The following DNM3 variants were observed in gnomAD, a reference collection of about 807,000 sequenced individuals.
DNM3 encodes dynamin-3.
A neutral mutation model predicts 101.6 loss-of-function variants in DNM3; 47 were observed. The observed-to-expected ratio is 0.46, with a 90% CI of 0.37 to 0.59. The LOEUF (loss-of-function observed/expected upper bound fraction) is 0.59, where lower values mean the gene tolerates loss of function less well. DNM3 is among the 20% of genes least tolerant of loss of function. DNM3 has a pLI of 0.00. For missense variants in DNM3, 849 were observed against 1,085.7 expected (o/e 0.78, Z 3.06); for synonymous variants, 385 against 387.9 (o/e 0.99, Z 0.09).
intron 2 of DNM3, among the ~76,000 whole-genome samples, chr1:171,964,096 AAAGT>A (rs747152039): frequency 5.6e-4 from 85 of 152,264 alleles, no homozygotes; most frequent in Admixed American, 2.0e-3. Flanking sequence ...AAAATAAATC[AAAGT>A]ATTTTACCCC....
At chr1:172,385,151 T>G (rs2069115248) in intron 18 of DNM3, among the ~76,000 whole-genome samples, 1 of 152,214 alleles carries the variant, frequency 6.6e-6, no homozygotes, top group South Asian at 2.1e-4. Context: ...CCTTATAATG[T>G]CATTGTATGT....
rs192732427 is a variant in DNM3, at chr1:172,372,123, A to T, written c.1894-6895A>T. Reference sequence around the variant, plus strand: ...ATGTTCCCCTTCCTGTGTCCATGTGATCTCATTGTTCAATTCCCACCTAGG... The same window carrying T: ...ATGTTCCCCTTCCTGTGTCCATGTGTTCTCATTGTTCAATTCCCACCTAGG... On this transcript the variant is annotated intron_variant, in intron 17 of 20. Coordinates refer to ENST00000627582, the MANE Select transcript of DNM3 (RefSeq NM_015569.5). Among the ~76,000 whole-genome samples, 400 of 122,242 alleles carry T rather than the reference A, an allele frequency of 3.3e-3. 1 individual carries two copies. Among genetic ancestry groups the T allele is most frequent in the African/African-American group, 7.3e-3 (231 of 31,566 alleles). 80.2% of individuals were successfully genotyped at this position (122,242 alleles called of 152,430 possible).
chr1:172,281,804 G>A (rs920313836), intron 15 of DNM3, among the ~76,000 whole-genome samples: 6 of 151,988 alleles, frequency 3.9e-5, no homozygotes, highest in Non-Finnish European at 5.9e-5. Flanking sequence ...CTAACAAAAA[G>A]AGATAATAAA....
chr1:172,382,632 TA>T (rs1051651146), intron 18 of DNM3, among the ~76,000 whole-genome samples: 3 of 152,150 alleles, frequency 2.0e-5, no homozygotes, highest in African/African-American at 7.2e-5. Context: ...TAGGAAACTC[TA>T]AGTCAGCCCT....
At chr1:172,107,145 C>A (rs959223305) in intron 13 of DNM3, among the ~76,000 whole-genome samples, 45 of 151,888 alleles carry the variant, frequency 3.0e-4, no homozygotes, top group African/African-American at 1.1e-3. Flanking sequence ...CAGGCGTGAG[C>A]CACCGCGCCC....
intron 14 of DNM3, among the ~76,000 whole-genome samples, chr1:172,235,546 C>T (rs1368645194): frequency 6.6e-6 from 1 of 152,062 alleles, no homozygotes; most frequent in African/African-American, 2.4e-5. Flanking sequence ...CACAGGCAGA[C>T]GTATGTTTAT....
At chr1:172,306,046 A>G (rs1161302652) in intron 15 of DNM3, among the ~76,000 whole-genome samples, 1 of 152,236 alleles carries the variant, frequency 6.6e-6, no homozygotes, top group African/African-American at 2.4e-5. Flanking sequence ...ATCAGGCAAG[A>G]GAAAGAAATA....
intron 1 of DNM3, among the ~76,000 whole-genome samples, chr1:171,885,229 G>A (rs940742903): frequency 3.3e-5 from 5 of 151,980 alleles, no homozygotes; most frequent in Admixed American, 6.6e-5. Context: ...AAAAAAAATC[G>A]GGAGATTGTT....
chr1:172,136,417 C>T (rs1157540564), intron 14 of DNM3: 2 of 152,074 alleles, frequency 1.3e-5, no homozygotes, highest in Non-Finnish European at 2.9e-5. Flanking sequence ...TGCACACTCC[C>T]TGTGGTGGAA....
intron 17 of DNM3, among the ~76,000 whole-genome samples, chr1:172,354,112 T>TGTGTGTGAGAGA (rs138540712): frequency 5.3e-5 from 5 of 94,964 alleles, no homozygotes; most frequent in Admixed American, 1.3e-4. Flanking sequence ...TGTGTGTGTG[T>TGTGTGTGAGAGA]GAGAGAGAGA....
chr1:172,354,426 A>G (rs1348508589), intron 17 of DNM3, among the ~76,000 whole-genome samples: 1 of 151,082 alleles, frequency 6.6e-6, no homozygotes, highest in Non-Finnish European at 1.5e-5. Context: ...AATAGCACCA[A>G]CTTCCCAAGG....
chr1:172,163,946 T>C (rs1285262678), intron 14 of DNM3, among the ~76,000 whole-genome samples: 1 of 121,138 alleles, frequency 8.3e-6, no homozygotes. Context: ...TACACATGCA[T>C]ACATATATAT....
chr1:172,410,718 T>C lies in DNM3; in HGVS notation c.*2877T>C. ...TCTGTTTATTAGCAAATTTCCTATT[T>C]GTTCCAATACAAACTCACTTTATTC... On this transcript the variant is annotated 3_prime_UTR_variant, in exon 21 of 21. Transcript: ENST00000627582. The C allele has an allele frequency of 1.0e-6, 1 of 985,362 alleles. No individual in the cohort carries two copies. Among genetic ancestry groups the C allele is most frequent in the Non-Finnish European group, 1.2e-6 (1 of 829,836 alleles). The allele number at this position is 985,362 out of a possible 1,614,324, so 61.0% of individuals were successfully genotyped here. A position where few individuals can be genotyped will look rare whatever the true frequency, so the allele number is the denominator to read the frequency against.
chr1:172,034,700 A>G (rs1281782782), intron 6 of DNM3, among the ~76,000 whole-genome samples: 1 of 152,078 alleles, frequency 6.6e-6, no homozygotes, highest in Non-Finnish European at 1.5e-5. Flanking sequence ...TTCTATGGCT[A>G]TGTATGTGTA....
chr1:172,056,635 G>A (rs891209439), intron 10 of DNM3, among the ~76,000 whole-genome samples: 23 of 151,892 alleles, frequency 1.5e-4, no homozygotes, highest in Non-Finnish European at 2.7e-4. Context: ...TGAGGGTCCT[G>A]TCTGTTAGAA....
chr1:171,846,224 T>C (rs1456430243), intron 1 of DNM3, among the ~76,000 whole-genome samples: 2 of 123,762 alleles, frequency 1.6e-5, no homozygotes, highest in Non-Finnish European at 1.7e-5. Context: ...AATATACTTT[T>C]AGGTTATCAC....
chr1:171,998,445 C>T (rs1415401316), intron 4 of DNM3, among the ~76,000 whole-genome samples: 1 of 152,092 alleles, frequency 6.6e-6, no homozygotes, highest in African/African-American at 2.4e-5. Context: ...TTCACTTTTC[C>T]ATATCAGTTT....
intron 13 of DNM3, among the ~76,000 whole-genome samples, chr1:172,127,233 T>A (rs1477058166): frequency 6.6e-6 from 1 of 151,946 alleles, no homozygotes; most frequent in African/African-American, 2.4e-5. Context: ...AGGACTTACG[T>A]CCACCCTTAC....
chr1:172,309,196 A>T (rs1428770913), intron 16 of DNM3: 1 of 192,614 alleles, frequency 5.2e-6, no homozygotes, highest in South Asian at 1.8e-4. Context: ...ATCATCAATC[A>T]TAACACCAGC....
Sources: allele counts gnomAD v4.1 joint callset (sites outside exome capture counted in the v4.1 genomes callset), GRCh38; gene constraint gnomAD v4.1.1; transcripts MANE v1.5; gene names NCBI Gene and HGNC (gene_info 2026-07-23, HGNC 2026-07-21).